Variants in IQCM observed in about 807,000 individuals in gnomAD.
IQCM encodes IQ domain-containing protein M.
Under a neutral mutation model 57.6 loss-of-function variants are expected in IQCM, and 45 were observed. That is an observed-to-expected ratio of 0.78 (90% CI 0.62 to 1.00). The LOEUF is 1.00. IQCM is among the 50% of genes least tolerant of loss of function. The probability of loss-of-function intolerance (pLI) is 0.00; values close to 1 mark genes in which losing one functional copy is unlikely to be tolerated. For synonymous variants in IQCM, 148 were observed against 158.9 expected (o/e 0.93, Z 0.51); for missense variants, 468 against 511.6 (o/e 0.91, Z 0.82).
intron 2 of IQCM, among the ~76,000 whole-genome samples, chr4:149,812,300 T>G (rs1202937094): frequency 6.6e-6 from 1 of 152,142 alleles, no homozygotes; most frequent in Non-Finnish European, 1.5e-5. Context: ...CTTTTTAGAT[T>G]AGTTACATGT....
chr4:149,763,762 C>T (rs1449278368), intron 2 of IQCM, among the ~76,000 whole-genome samples: 3 of 152,004 alleles, frequency 2.0e-5, no homozygotes, highest in African/African-American at 7.2e-5. Flanking sequence ...AACTCAAGCT[C>T]TTAATCTTTG....
At chr4:149,629,777 A>G (rs1382333530) in intron 7 of IQCM, among the ~76,000 whole-genome samples, 1 of 152,170 alleles carries the variant, frequency 6.6e-6, no homozygotes. Context: ...GTATGGAGAA[A>G]GCAAAATGAA....
rs1324537951 is a variant in IQCM at position 149,604,190 on chromosome 4, C to G, written c.682-16193G>C. ...AATATGCATATGCTACAAATATTAG[C>G]AAGTGTAATTACTGGTTTGATTGTG... On this transcript the variant is annotated intron_variant, in intron 8 of 13. Transcript: ENST00000636793. Among the ~76,000 whole-genome samples the G allele has an allele frequency of 3.3e-5, 5 of 152,128 alleles. No homozygotes were observed. The South Asian group carries it at 6.2e-4, about 19-fold the overall frequency.
intron 2 of IQCM, among the ~76,000 whole-genome samples, chr4:149,797,697 T>G (rs1773233808): frequency 6.6e-6 from 1 of 150,862 alleles, no homozygotes. Context: ...AAGAAACAAA[T>G]AACATATAAT....
At chr4:149,429,940 T>C in intron 13 of IQCM, 3 of 1,141,292 alleles carry the variant, frequency 2.6e-6, no homozygotes, top group Non-Finnish European at 3.3e-6. Flanking sequence ...TATTTCCTTT[T>C]AATTTGTTTA....
chr4:149,653,214 G>A (rs1759346859), intron 7 of IQCM, among the ~76,000 whole-genome samples: 1 of 152,102 alleles, frequency 6.6e-6, no homozygotes, highest in Non-Finnish European at 1.5e-5. Flanking sequence ...AGTCTTCCCT[G>A]GGAGATGGAG....
chr4:149,715,112 A>T (rs1047061857), intron 5 of IQCM, among the ~76,000 whole-genome samples: 3 of 152,200 alleles, frequency 2.0e-5, no homozygotes, highest in Non-Finnish European at 2.9e-5. Context: ...TCACTTCACC[A>T]GCCAGAAACC....
At chr4:149,693,031 A>G (rs1371658117) in intron 5 of IQCM, among the ~76,000 whole-genome samples, 1 of 151,848 alleles carries the variant, frequency 6.6e-6, no homozygotes, top group African/African-American at 2.4e-5. Context: ...AACAACAAAA[A>G]CTCCCAACCA....
intron 13 of IQCM, among the ~76,000 whole-genome samples, chr4:149,414,328 C>T (rs528341165): frequency 1.5e-3 from 230 of 152,184 alleles, no homozygotes; most frequent in African/African-American, 5.2e-3. Context: ...TGATTTTGCC[C>T]AAAACCGATG....
chr4:149,469,393 A>G (rs1319753470), intron 12 of IQCM, among the ~76,000 whole-genome samples: 3 of 152,222 alleles, frequency 2.0e-5, no homozygotes, highest in Non-Finnish European at 4.4e-5. Flanking sequence ...GATCAAATGA[A>G]TGAAATGAAG....
At chr4:149,406,939 G>A (rs971787190) in intron 13 of IQCM, among the ~76,000 whole-genome samples, 9 of 151,960 alleles carry the variant, frequency 5.9e-5, no homozygotes, top group South Asian at 2.1e-4. Context: ...AAGGCGAAAG[G>A]CACGTTTTAC....
intron 13 of IQCM, among the ~76,000 whole-genome samples, chr4:149,379,233 C>T (rs1000764960): frequency 6.6e-6 from 1 of 152,302 alleles, no homozygotes; most frequent in Non-Finnish European, 1.5e-5. Flanking sequence ...GGGTGGGCAC[C>T]CCCACACAGA....
chr4:149,582,338 A>T (rs866979475), intron 9 of IQCM, among the ~76,000 whole-genome samples: 4 of 45,234 alleles, frequency 8.8e-5, no homozygotes, highest in South Asian at 7.6e-4. Context: ...ATATATATAT[A>T]TATATATATA....
At chr4:149,554,588 A>G (rs1417091497) in intron 10 of IQCM, among the ~76,000 whole-genome samples, 1 of 151,942 alleles carries the variant, frequency 6.6e-6, no homozygotes, top group Non-Finnish European at 1.5e-5. Flanking sequence ...TGCTGGGATT[A>G]CAGGCATGAG....
At chr4:149,498,012 C>G (rs1742851820) in intron 12 of IQCM, among the ~76,000 whole-genome samples, 1 of 152,070 alleles carries the variant, frequency 6.6e-6, no homozygotes. Context: ...TAAAGACTAG[C>G]CCAGATATAT....
chr4:149,583,161 G>A (rs759302531), intron 9 of IQCM, among the ~76,000 whole-genome samples: 2 of 151,300 alleles, frequency 1.3e-5, no homozygotes, highest in African/African-American at 2.4e-5. Context: ...CTACAAAATA[G>A]GAAGAAGGAA....
chr4:149,395,852 C>T (rs1192094937), intron 13 of IQCM, among the ~76,000 whole-genome samples: 1 of 151,888 alleles, frequency 6.6e-6, no homozygotes. Flanking sequence ...CCTGAAAACA[C>T]TAATATGTTA....
Position 149,804,881 on chromosome 4 carries a change from C to T in IQCM, c.-49+10430G>A, listed in dbSNP as rs557250292. On this transcript the variant is annotated intron_variant, in intron 2 of 13. Transcript: ENST00000636793. ...CACTTTCTGGATACAGTATAAGTAG[C>T]ACATCCCTTTCAAGAATAGCATCTA... Among the ~76,000 whole-genome samples the T allele has an allele frequency of 1.4e-4, 21 of 152,150 alleles. No homozygotes were observed. In the Middle Eastern group the frequency reaches 0.01, roughly 74 times the overall value.
chr4:149,661,004 T>A (rs1760146607), intron 7 of IQCM, among the ~76,000 whole-genome samples: 1 of 151,876 alleles, frequency 6.6e-6, no homozygotes, highest in African/African-American at 2.4e-5. Context: ...AAAACAAAAA[T>A]AAAAAACTAA....
Sources: gnomAD v4.1 joint callset for allele counts (sites outside exome capture counted in the v4.1 genomes callset) on GRCh38, gnomAD v4.1.1 for gene constraint, MANE v1.5 for transcripts, NCBI Gene and HGNC (gene_info 2026-07-23, HGNC 2026-07-21) for gene names.